Variants in RUNX1 observed in about 807,000 individuals in gnomAD.
RUNX1 encodes RUNX family transcription factor 1, also known as runt-related transcription factor 1.
RUNX1 carries 19 observed loss-of-function variants against 42.8 expected under a neutral mutation model. The ratio of observed to expected loss-of-function variants is 0.44; its 90% CI spans 0.31 to 0.65. RUNX1 has a LOEUF of 0.65. Among genes scored for constraint, RUNX1 ranks in the 30% least tolerant of loss-of-function variants. The probability of loss-of-function intolerance (pLI) is 0.07; values close to 1 mark genes in which losing one functional copy is unlikely to be tolerated. For missense variants in RUNX1, 528 were observed against 672.0 expected (o/e 0.79, Z 2.37); for synonymous variants, 271 against 289.4 (o/e 0.94, Z 0.64).
At chr21:34,891,572 A>C (rs1286578991) in intron 3 of RUNX1, among the ~76,000 whole-genome samples, 1 of 152,148 alleles carries the variant, frequency 6.6e-6, no homozygotes, top group Non-Finnish European at 1.5e-5. Flanking sequence ...CTTTCCACCA[A>C]GAGCGCTCAT....
chr21:34,834,650 A>G, intron 6 of RUNX1, 49 bp from the exon 7 acceptor site: 1 of 1,395,878 alleles, frequency 7.2e-7, no homozygotes, highest in Non-Finnish European at 1.0e-6. Context: ...GGAAGGAGGG[A>G]GGGAAGAGAT....
intron 2 of RUNX1, among the ~76,000 whole-genome samples, chr21:35,020,606 C>T (rs1445715782): frequency 6.6e-6 from 1 of 152,120 alleles, no homozygotes; most frequent in Non-Finnish European, 1.5e-5. Flanking sequence ...TAGTCACTGT[C>T]CCCTCGAGGA....
At chr21:35,047,588 C>G (rs1568814564) in intron 2 of RUNX1, among the ~76,000 whole-genome samples, 1 of 150,476 alleles carries the variant, frequency 6.6e-6, no homozygotes, top group Non-Finnish European at 1.5e-5. Context: ...CTCTCTCTCT[C>G]TCTCTCTCTC....
chr21:34,798,009 C>T (rs761741037), intron 8 of RUNX1: 9 of 456,480 alleles, frequency 2.0e-5, no homozygotes, highest in African/African-American at 8.0e-5. Context: ...ATAGTACTGC[C>T]GTTGTGAAGC....
intron 6 of RUNX1, chr21:34,856,455 A>G (rs2057496337): frequency 1.9e-6 from 1 of 518,882 alleles, no homozygotes; most frequent in Non-Finnish European, 3.8e-6. Context: ...AGTCTATAAG[A>G]AAGAAATAGA....
Position 35,034,517 on chromosome 21 carries a change from C to T in RUNX1, c.58+14325G>A, listed in dbSNP as rs568995766. Among the ~76,000 whole-genome samples the T allele has an allele frequency of 1.5e-4, 23 of 152,318 alleles. No individual in the cohort carries two copies. The South Asian group carries it at 4.8e-3, about 32-fold the overall frequency. On this transcript the variant is annotated intron_variant, in intron 2 of 8. Coordinates refer to ENST00000675419, the MANE Select transcript of RUNX1 (RefSeq NM_001754.5). ...CAGTACCTCGGTTCCTAAGGTCTTT[C>T]TGGAGCTGTGGTTCTCCAAAAAACA... is the stretch of plus-strand genomic sequence containing the variant.
Position 34,843,450 on chromosome 21 carries a change from TACAC to T in RUNX1, c.614-8853_614-8850del, listed in dbSNP as rs551848406. 1.7e-3 allele frequency among the ~76,000 whole-genome samples: 254 copies of T among 151,920 alleles called. 2 individuals carry two copies. Among genetic ancestry groups the T allele is most frequent in the South Asian group, 6.2e-3 (30 of 4,802 alleles). On this transcript the variant is annotated intron_variant, in intron 6 of 8. Transcript: ENST00000675419. This position sits in a 1 kb window ranked among gnomAD's most constrained non-coding sequence, Gnocchi z 4.8. ...ACATGGGGACACATATATACAAACA[TACAC>T]ACATACTGACATACACACATATACA...
At chr21:34,958,909 A>G (rs2058664244) in intron 2 of RUNX1, among the ~76,000 whole-genome samples, 1 of 152,178 alleles carries the variant, frequency 6.6e-6, no homozygotes, top group African/African-American at 2.4e-5. Context: ...AGGGACATGG[A>G]TGAAACTGGA....
intron 7 of RUNX1, among the ~76,000 whole-genome samples, chr21:34,825,144 CT>C (rs1198376454): frequency 1.3e-5 from 2 of 152,172 alleles, no homozygotes; most frequent in African/African-American, 4.8e-5. Flanking sequence ...TAAAAGGCAG[CT>C]TGCTTCAAAA....
At chr21:34,905,187 A>AT (rs1298483031) in intron 2 of RUNX1, among the ~76,000 whole-genome samples, 1 of 152,206 alleles carries the variant, frequency 6.6e-6, no homozygotes, top group Non-Finnish European at 1.5e-5. Context: ...GGAGGTCATT[A>AT]TTTAACACCG....
intron 2 of RUNX1, among the ~76,000 whole-genome samples, chr21:34,914,141 G>C (rs1418280912): frequency 6.6e-6 from 1 of 152,198 alleles, no homozygotes; most frequent in Non-Finnish European, 1.5e-5. Context: ...CTCTTGGAAG[G>C]AGGCAAATAT....
chr21:34,871,280 T>C (rs1295411938), intron 5 of RUNX1, among the ~76,000 whole-genome samples: 1 of 152,150 alleles, frequency 6.6e-6, no homozygotes, highest in Non-Finnish European at 1.5e-5. Context: ...TCAGACACCG[T>C]CCACGAACTC....
At chr21:34,893,809 A>G (rs2058106932) in intron 2 of RUNX1, among the ~76,000 whole-genome samples, 2 of 151,488 alleles carry the variant, frequency 1.3e-5, no homozygotes, top group South Asian at 4.2e-4. Flanking sequence ...AAATAAGAGG[A>G]GACAATTACT....
intron 2 of RUNX1, among the ~76,000 whole-genome samples, chr21:34,911,365 C>T (rs1012464323): frequency 6.6e-6 from 1 of 152,214 alleles, no homozygotes; most frequent in African/African-American, 2.4e-5. Context: ...TCATAGATAG[C>T]AACCCTGGGA....
At chr21:34,952,286 T>C (rs1171895215) in intron 2 of RUNX1, among the ~76,000 whole-genome samples, 1 of 152,110 alleles carries the variant, frequency 6.6e-6, no homozygotes, top group African/African-American at 2.4e-5. Context: ...ATTTAGGTAA[T>C]GGGTTGATGG....
At chr21:34,983,387 C>A (rs979788109) in intron 2 of RUNX1, among the ~76,000 whole-genome samples, 4 of 152,208 alleles carry the variant, frequency 2.6e-5, no homozygotes, top group Admixed American at 2.6e-4. Flanking sequence ...ACTACCCCTA[C>A]TAATAACACC....
chr21:35,026,364 AG>A (rs1461081906), intron 2 of RUNX1, among the ~76,000 whole-genome samples: 1 of 152,060 alleles, frequency 6.6e-6, no homozygotes, highest in African/African-American at 2.4e-5. Flanking sequence ...ACCCCTCAAA[AG>A]GGGAAGATTG....
At position 34,847,934 on chromosome 21, in the gene RUNX1, T is replaced by C. The variant is rs79539305; in HGVS notation, c.613+11540A>G. On this transcript the variant is annotated intron_variant, in intron 6 of 8. Coordinates refer to ENST00000675419, the MANE Select transcript of RUNX1 (RefSeq NM_001754.5). ...CTGCCAAGCTTTTTTTTTTCTTCTT[T>C]TTTTTTAAGTACTTGGCAATGGTAA... 7.6e-3 allele frequency among the ~76,000 whole-genome samples: 1,157 copies of C among 152,270 alleles called. 15 individuals carry two copies. Among genetic ancestry groups the C allele is most frequent in the African/African-American group, 0.026 (1,079 of 41,518 alleles).
At chr21:34,889,950 T>A in intron 3 of RUNX1, 2 of 690,602 alleles carry the variant, frequency 2.9e-6, no homozygotes, top group Non-Finnish European at 3.6e-6. Context: ...CGCGGGCTGC[T>A]TTGTGGTCCC....
Sources: gnomAD v4.1 joint callset for allele counts (sites outside exome capture counted in the v4.1 genomes callset) on GRCh38, gnomAD v4.1.1 for gene constraint, Gnocchi (gnomAD v3.1) non-coding constraint, MANE v1.5 for transcripts, NCBI Gene and HGNC (gene_info 2026-07-23, HGNC 2026-07-21) for gene names.